NEXN: variants seen among roughly 807,000 people sequenced by gnomAD.
NEXN encodes nexilin.
In NEXN, 65 loss-of-function variants were observed where a neutral mutation model predicts 92.6. That is an observed-to-expected ratio of 0.70 (90% CI 0.57 to 0.86). The LOEUF is 0.86. Ranked by LOEUF, NEXN falls within the 40% of genes least tolerant of loss-of-function variation. The probability of loss-of-function intolerance (pLI) is 0.00; values close to 1 mark genes in which losing one functional copy is unlikely to be tolerated. For synonymous variants in NEXN, 254 were observed against 242.5 expected, an observed-to-expected ratio of 1.05 and a Z score of -0.44; for missense variants, 778 against 771.1, an observed-to-expected ratio of 1.01 and a Z score of -0.11.
intron 11 of NEXN, among the ~76,000 whole-genome samples, chr1:77,941,243 C>T (rs1390798713): frequency 1.0e-5 from 1 of 99,624 alleles, no homozygotes; most frequent in Non-Finnish European, 2.0e-5. Context: ...AACCAAAAGT[C>T]AAGAAACCAA....
At chr1:77,925,375 G>T in intron 6 of NEXN, 146 bp downstream of exon 6, 2 of 689,746 alleles carry the variant, frequency 2.9e-6, no homozygotes, top group Non-Finnish European at 5.1e-6. Flanking sequence ...TGCAAAGCAA[G>T]AGCATACTTT....
chr1:77,932,742 T>C (rs1046783821), intron 9 of NEXN, among the ~76,000 whole-genome samples: 1 of 152,250 alleles, frequency 6.6e-6, no homozygotes, highest in Non-Finnish European at 1.5e-5. Context: ...ATTTCCTTCA[T>C]AACCACAAAA....
At chr1:77,917,783 T>A in intron 3 of NEXN, 26 bp downstream of exon 3, 1 of 1,552,164 alleles carries the variant, frequency 6.4e-7, no homozygotes, top group Non-Finnish European at 8.9e-7. Flanking sequence ...TTTATTCTCG[T>A]GAAAATATTT....
chr1:77,898,894 AAC>A (rs1169095487), intron 1 of NEXN, among the ~76,000 whole-genome samples: 5 of 152,240 alleles, frequency 3.3e-5, no homozygotes, highest in Admixed American at 6.5e-5. Flanking sequence ...GCAGCCAAAA[AAC>A]ACATGAAAAA....
chr1:77,900,381 G>T (rs542318444), intron 1 of NEXN, among the ~76,000 whole-genome samples: 2 of 152,060 alleles, frequency 1.3e-5, no homozygotes, highest in South Asian at 4.2e-4. Flanking sequence ...TTATAATACT[G>T]GTATTATAGC....
intron 10 of NEXN, among the ~76,000 whole-genome samples, chr1:77,935,182 C>A (rs1295376122): frequency 6.6e-6 from 1 of 152,190 alleles, no homozygotes; most frequent in African/African-American, 2.4e-5. Flanking sequence ...GGATTACAGG[C>A]ACAAGCCACC....
Position 77,911,857 on chromosome 1 carries a change from C to T in NEXN, c.-52-4198C>T, listed in dbSNP as rs368722216. On this transcript the variant is annotated intron_variant, in intron 1 of 12. Transcript: ENST00000334785. ...CAGCACTTTGGGAGGCTGAGGCAGG[C>T]GGATCACAAGGCAGGAGTTGAGACC... 6.6e-4 allele frequency among the ~76,000 whole-genome samples: 100 copies of T among 151,158 alleles called. 1 individual carries two copies. The East Asian group carries it at 0.018, about 28-fold the overall frequency.
At chr1:77,893,006 A>G (rs941314358) in intron 1 of NEXN, among the ~76,000 whole-genome samples, 1 of 151,816 alleles carries the variant, frequency 6.6e-6, no homozygotes, top group African/African-American at 2.4e-5. Context: ...AGCTAGGACT[A>G]CAGACATGCA....
chr1:77,925,624 T>G (rs968006222), intron 6 of NEXN, among the ~76,000 whole-genome samples: 1 of 152,192 alleles, frequency 6.6e-6, no homozygotes, highest in African/African-American at 2.4e-5. Flanking sequence ...TTTTGGTTTT[T>G]ATATAATAGT....
chr1:77,913,886 A>G lies in NEXN; in HGVS notation c.-52-2169A>G, dbSNP rs1027570042. 2.6e-5 allele frequency among the ~76,000 whole-genome samples: 4 copies of G among 152,236 alleles called. No individual in the cohort carries two copies. The East Asian group carries it at 7.7e-4, about 29-fold the overall frequency. ...ATAAACTGTGGTACATGCAGGTAATAGAATATTATTCAGTGCTAAAAAGAA... is the reference window on the plus strand; with the variant it reads ...ATAAACTGTGGTACATGCAGGTAATGGAATATTATTCAGTGCTAAAAAGAA... On this transcript the variant is annotated intron_variant, in intron 1 of 12. Coordinates refer to ENST00000334785, the MANE Select transcript of NEXN (RefSeq NM_144573.4).
At chr1:77,917,516 C>A in intron 2 of NEXN, 50 bp from the exon 3 acceptor site, 1 of 1,328,506 alleles carries the variant, frequency 7.5e-7, no homozygotes, top group Non-Finnish European at 1.1e-6. Context: ...TACCTAATTT[C>A]TTCCTATCTT....
intron 1 of NEXN, among the ~76,000 whole-genome samples, chr1:77,895,432 T>C (rs1053488460): frequency 1.3e-5 from 2 of 152,224 alleles, no homozygotes; most frequent in African/African-American, 4.8e-5. Flanking sequence ...TTATGTTTCC[T>C]GTACAAGTGA....
intron 8 of NEXN, among the ~76,000 whole-genome samples, chr1:77,927,612 G>C (rs898564461): frequency 6.6e-5 from 10 of 151,696 alleles, no homozygotes; most frequent in South Asian, 6.2e-4. Context: ...CTGTGTGTGT[G>C]TGTGTGTGTG....
chr1:77,905,957 A>G (rs974477059), intron 1 of NEXN, among the ~76,000 whole-genome samples: 5 of 152,110 alleles, frequency 3.3e-5, no homozygotes, highest in African/African-American at 1.2e-4. Flanking sequence ...AAAAGAGATG[A>G]GGCTACAGAA....
intron 9 of NEXN, among the ~76,000 whole-genome samples, chr1:77,930,996 C>G (rs751743317): frequency 6.6e-6 from 1 of 152,134 alleles, no homozygotes; most frequent in Non-Finnish European, 1.5e-5. Flanking sequence ...TGAAATCTTA[C>G]GTGCAGTAGG....
At chr1:77,942,236 C>T (rs752032385) in intron 12 of NEXN, 28 bp downstream of exon 12, 9 of 1,602,160 alleles carry the variant, frequency 5.6e-6, no homozygotes, top group Non-Finnish European at 7.7e-6. Context: ...CCTTTATTTT[C>T]CAAAGATGCC....
At chr1:77,917,845 A>G in intron 3 of NEXN, 88 bp downstream of exon 3, 1 of 1,411,722 alleles carries the variant, frequency 7.1e-7, no homozygotes, top group Non-Finnish European at 1.0e-6. Context: ...CACATTTCAC[A>G]TTAACTATAA....
At chr1:77,900,087 GT>G (rs1442039296) in intron 1 of NEXN, among the ~76,000 whole-genome samples, 1 of 151,920 alleles carries the variant, frequency 6.6e-6, no homozygotes, top group Non-Finnish European at 1.5e-5. Context: ...TATTAATATG[GT>G]GCACAGTATT....
intron 6 of NEXN, among the ~76,000 whole-genome samples, chr1:77,925,989 T>C (rs1212208645): frequency 6.6e-6 from 1 of 152,154 alleles, no homozygotes; most frequent in Admixed American, 6.5e-5. Flanking sequence ...ACTGGTTTCA[T>C]TAAGTATTTA....
Sources: gnomAD v4.1 joint callset for allele counts (sites outside exome capture counted in the v4.1 genomes callset) on GRCh38, gnomAD v4.1.1 for gene constraint, MANE v1.5 for transcripts, NCBI Gene and HGNC (gene_info 2026-07-23, HGNC 2026-07-21) for gene names.